Variants in BRCA1 observed in about 807,000 individuals in gnomAD.
The protein encoded by BRCA1 is BRCA1 DNA repair associated, also known as breast cancer type 1 susceptibility protein.
In BRCA1, 140 loss-of-function variants were observed where a neutral mutation model predicts 173.7. The observed-to-expected ratio is 0.81, with a 90% CI of 0.70 to 0.93. BRCA1 has a LOEUF of 0.93. Ranked by LOEUF, BRCA1 falls within the 40% of genes least tolerant of loss-of-function variation. The pLI, the probability that BRCA1 is intolerant of heterozygous loss-of-function variation, is 0.00. For missense variants in BRCA1, 1,983 were observed against 2,172.5 expected (o/e 0.91, Z 1.73); for synonymous variants, 662 against 756.0 (o/e 0.88, Z 2.04).
At chr17:43,078,464 G>A (rs1351036715) in intron 12 of BRCA1, among the ~76,000 whole-genome samples, 1 of 152,326 alleles carries the variant, frequency 6.6e-6, no homozygotes, top group East Asian at 1.9e-4. Flanking sequence ...GAGCCACCAT[G>A]CCTGGCCAAG....
chr17:43,071,696 C>T (rs1219479511), intron 14 of BRCA1, among the ~76,000 whole-genome samples: 1 of 152,068 alleles, frequency 6.6e-6, no homozygotes, highest in African/African-American at 2.4e-5. Context: ...TTTATCATGA[C>T]ATTATTTTAA....
At chr17:43,105,676 G>A (rs1309258061) in intron 4 of BRCA1, among the ~76,000 whole-genome samples, 1 of 152,194 alleles carries the variant, frequency 6.6e-6, no homozygotes, top group Admixed American at 6.5e-5. Context: ...TTTGGGTTTA[G>A]TAAAGTGGAA....
chr17:43,107,062 A>ATTTTTTT (rs35202419), intron 3 of BRCA1, among the ~76,000 whole-genome samples: 12 of 126,826 alleles, frequency 9.5e-5, no homozygotes, highest in Admixed American at 7.6e-4. Flanking sequence ...TACCAAGACA[A>ATTTTTTT]TTTTTTTTTT....
intron 1 of BRCA1, among the ~76,000 whole-genome samples, chr17:43,149,259 G>A (rs1438380480): frequency 6.4e-5 from 9 of 140,708 alleles, no homozygotes; most frequent in Non-Finnish European, 1.2e-4. Context: ...CCACCACACC[G>A]GGCTAGTTTT....
chr17:43,100,230 T>A (rs991013197), intron 6 of BRCA1, among the ~76,000 whole-genome samples: 2 of 152,062 alleles, frequency 1.3e-5, no homozygotes, highest in African/African-American at 4.8e-5. Flanking sequence ...TTTTCTGTTG[T>A]CTTAAATTTT....
intron 1 of BRCA1, among the ~76,000 whole-genome samples, chr17:43,146,629 G>T (rs2056123626): frequency 1.3e-5 from 2 of 151,858 alleles, no homozygotes; most frequent in Non-Finnish European, 1.5e-5. Context: ...CATATGTTAA[G>T]AATTGTGTAC....
rs1057522773 is a variant in BRCA1, at chr17:43,049,104, G to A, written c.5406+17C>T. ...AATATTGTGTCCTCCCTCTCTGACA[G>A]GGCACCCAATACTTACTGTGCCAAG... is the stretch of plus-strand genomic sequence containing the variant. On this transcript the variant is annotated intron_variant, in intron 21 of 22. Transcript: ENST00000357654. 1.2e-6 allele frequency: 2 copies of A among 1,610,888 alleles called. No homozygotes were observed. The highest frequency in any genetic ancestry group is 3.3e-5 in the Admixed American group (2 of 59,968).
chr17:43,071,272 C>A (rs369549959), intron 14 of BRCA1, 34 bp from the exon 15 acceptor site: 1 of 1,599,562 alleles, frequency 6.3e-7, no homozygotes, highest in Non-Finnish European at 8.6e-7. Context: ...ATTTACACAA[C>A]GATGAATGTT....
At chr17:43,054,679 G>A (rs527283522) in intron 19 of BRCA1, among the ~76,000 whole-genome samples, 22 of 151,732 alleles carry the variant, frequency 1.4e-4, no homozygotes, top group African/African-American at 4.8e-4. Context: ...GGGCTCAAGT[G>A]ATCCTCCTGC....
chr17:43,100,094 C>T (rs2054318390), intron 6 of BRCA1, among the ~76,000 whole-genome samples: 1 of 152,104 alleles, frequency 6.6e-6, no homozygotes, highest in Non-Finnish European at 1.5e-5. Context: ...CTTTGGGAGG[C>T]TGGAGCAGGA....
chr17:43,061,488 C>T (rs1397813513), intron 18 of BRCA1, among the ~76,000 whole-genome samples: 1 of 151,906 alleles, frequency 6.6e-6, no homozygotes, highest in Non-Finnish European at 1.5e-5. Flanking sequence ...CAGTAGGCTC[C>T]CAATAAATAG....
In BRCA1 at chr17:43,093,574, TTTTC is replaced by T. The variant is rs80357526; in HGVS notation, c.1953_1956del (p.Lys653SerfsTer47). The T allele has an allele frequency of 3.1e-6, 5 of 1,613,952 alleles. No individual in the cohort carries two copies. Among genetic ancestry groups the T allele is most frequent in the Non-Finnish European group, 4.2e-6 (5 of 1,180,000 alleles). On this transcript the variant is annotated frameshift_variant, in exon 10 of 23. Transcript: ENST00000357654. LOFTEE classifies it high-confidence loss of function. ...CTGACTGGCATTTGGTTGTACTTTTTTTTCTTTATCTCTTCACTGCTAGAACAAC... is the reference window on the plus strand; with the variant it reads ...CTGACTGGCATTTGGTTGTACTTTTTTTTATCTCTTCACTGCTAGAACAAC...
chr17:43,085,709 G>A (rs1036050976), intron 11 of BRCA1, among the ~76,000 whole-genome samples: 1 of 152,060 alleles, frequency 6.6e-6, no homozygotes, highest in African/African-American at 2.4e-5. Context: ...TGAAATATGA[G>A]AAGTAAGGGC....
chr17:43,166,891 A>G (rs1015615041), intron 1 of BRCA1: 13 of 152,182 alleles, frequency 8.5e-5, no homozygotes, highest in African/African-American at 2.2e-4. Flanking sequence ...ATTCAAACCA[A>G]AACCAAAGTG....
chr17:43,106,414 C>T (rs2154554491), intron 4 of BRCA1, 42 bp downstream of exon 4: 1 of 1,286,140 alleles, frequency 7.8e-7, no homozygotes, highest in Non-Finnish European at 1.1e-6. Context: ...CTTTTTCCTA[C>T]TGTGGTTGCT....
At chr17:43,144,225 T>TAA in intron 1 of BRCA1, 6 of 335,290 alleles carry the variant, frequency 1.8e-5, no homozygotes, top group Admixed American at 3.4e-5. Context: ...TCCATCTCAA[T>TAA]AAAAAAAATA....
intron 1 of BRCA1, among the ~76,000 whole-genome samples, chr17:43,157,439 C>T (rs1215983993): frequency 6.6e-6 from 1 of 152,238 alleles, no homozygotes. Flanking sequence ...GAGGCTCACG[C>T]CTGTAATCCC....
chr17:43,154,485 AAATAAT>A (rs1282995050), intron 1 of BRCA1, among the ~76,000 whole-genome samples: 2 of 151,936 alleles, frequency 1.3e-5, no homozygotes, highest in South Asian at 2.1e-4. Flanking sequence ...CTCCATCTCA[AAATAAT>A]AATAATAAGC....
intron 1 of BRCA1, among the ~76,000 whole-genome samples, chr17:43,154,544 TAATA>T (rs2056184218): frequency 6.6e-6 from 1 of 151,516 alleles, no homozygotes; most frequent in Admixed American, 6.6e-5. Context: ...TGTCTCAAAA[TAATA>T]ATAATAATAA....
Sources: allele counts gnomAD v4.1 joint callset (sites outside exome capture counted in the v4.1 genomes callset), GRCh38; gene constraint gnomAD v4.1.1; transcripts MANE v1.5; gene names NCBI Gene and HGNC (gene_info 2026-07-23, HGNC 2026-07-21).